VPS50: variants seen among roughly 807,000 people sequenced by gnomAD.
VPS50 encodes VPS50 subunit of EARP/GARPII complex.
VPS50 carries 70 observed loss-of-function variants against 139.7 expected under a neutral mutation model. That is an observed-to-expected ratio of 0.50 (90% CI 0.41 to 0.61). The LOEUF (loss-of-function observed/expected upper bound fraction) is 0.61, where lower values mean the gene tolerates loss of function less well. Among genes scored for constraint, VPS50 ranks in the 20% least tolerant of loss-of-function variants. The pLI, the probability that VPS50 is intolerant of heterozygous loss-of-function variation, is 0.00. For synonymous variants in VPS50, 365 were observed against 376.7 expected (o/e 0.97, Z 0.36); for missense variants, 921 against 1,133.7 (o/e 0.81, Z 2.69).
At chr7:93,313,937 G>A (rs1651378790) in intron 20 of VPS50, among the ~76,000 whole-genome samples, 1 of 152,132 alleles carries the variant, frequency 6.6e-6, no homozygotes, top group African/African-American at 2.4e-5. Flanking sequence ...CTGGGATTAG[G>A]TGCTGCCATT....
chr7:93,337,205 C>G (rs1229616581), intron 22 of VPS50, among the ~76,000 whole-genome samples: 1 of 152,158 alleles, frequency 6.6e-6, no homozygotes, highest in East Asian at 1.9e-4. Flanking sequence ...AGGCTTACAA[C>G]TGGGAACAAA....
intron 1 of VPS50, among the ~76,000 whole-genome samples, chr7:93,234,440 A>C (rs1794738269): frequency 6.6e-6 from 1 of 152,250 alleles, no homozygotes; most frequent in African/African-American, 2.4e-5. Context: ...AGCTGGAACC[A>C]TACTGTGTAC....
chr7:93,278,396 C>G (rs1328106109), intron 12 of VPS50, among the ~76,000 whole-genome samples: 1 of 151,176 alleles, frequency 6.6e-6, no homozygotes, highest in African/African-American at 2.4e-5. Context: ...CAAGACCAGC[C>G]TGGACAACAT....
Position 93,297,257 on chromosome 7 carries a change from T to TCA in VPS50, c.1361+14_1361+15insCA. Reference sequence around the variant, plus strand: ...GAATTACCATAGGTAAGAACTCTAATAAGATATGAATCGACTTATTTAGGT... The same window carrying TCA: ...GAATTACCATAGGTAAGAACTCTAATCAAAGATATGAATCGACTTATTTAGGT... On this transcript the variant is annotated intron_variant, in intron 16 of 27. Coordinates refer to ENST00000305866, the MANE Select transcript of VPS50 (RefSeq NM_017667.4). 6.5e-7 allele frequency: 1 copy of TCA among 1,528,074 alleles called. No individual in the cohort carries two copies. The highest frequency in any genetic ancestry group is 1.5e-5 in the African/African-American group (1 of 68,758). The allele number at this position is 1,528,074 out of a possible 1,614,324, so 94.7% of individuals were successfully genotyped here. A position where few individuals can be genotyped will look rare whatever the true frequency, so the allele number is the denominator to read the frequency against.
chr7:93,333,527 A>G (rs1296680025), intron 21 of VPS50, among the ~76,000 whole-genome samples: 2 of 152,306 alleles, frequency 1.3e-5, no homozygotes, highest in East Asian at 3.9e-4. Flanking sequence ...GGAGCTGACT[A>G]ACTGGCTTTT....
chr7:93,336,021 G>T (rs757196479), intron 22 of VPS50, among the ~76,000 whole-genome samples: 1 of 151,986 alleles, frequency 6.6e-6, no homozygotes, highest in Admixed American at 6.6e-5. Flanking sequence ...TTTTAAGCTG[G>T]TATGTATTAA....
chr7:93,346,400 C>T (rs983905039), intron 23 of VPS50, among the ~76,000 whole-genome samples: 2 of 152,094 alleles, frequency 1.3e-5, no homozygotes. Context: ...CCATACTGCC[C>T]AAGGTAATTT....
At chr7:93,290,571 A>G (rs1488582153) in intron 12 of VPS50, among the ~76,000 whole-genome samples, 2 of 151,830 alleles carry the variant, frequency 1.3e-5, no homozygotes, top group Non-Finnish European at 2.9e-5. Flanking sequence ...TTTGATCAGC[A>G]CCTATTGAGA....
At chr7:93,327,765 A>T (rs938725928) in intron 21 of VPS50, among the ~76,000 whole-genome samples, 1 of 152,196 alleles carries the variant, frequency 6.6e-6, no homozygotes, top group Non-Finnish European at 1.5e-5. Flanking sequence ...TTTCATACTC[A>T]TAAAAATAAA....
chr7:93,347,985 T>TA (rs765364604), intron 23 of VPS50, among the ~76,000 whole-genome samples: 169 of 150,210 alleles, frequency 1.1e-3, no homozygotes, highest in African/African-American at 3.8e-3. Flanking sequence ...TAATAATAAT[T>TA]AAAAAAAAGA....
At position 93,319,794 on chromosome 7, in the gene VPS50, CCT is replaced by C. The variant is rs1439764774; in HGVS notation, c.1856-3815_1856-3814del. Among the ~76,000 whole-genome samples, 4 of 152,080 alleles carry C rather than the reference CCT, an allele frequency of 2.6e-5. No individual in the cohort carries two copies. The East Asian group carries it at 7.7e-4, about 29-fold the overall frequency. On this transcript the variant is annotated intron_variant, in intron 20 of 27. Transcript: ENST00000305866. ...CTGTTCTCTCTTTTTAAAACAATTT[CCT>C]CCATTACTCAAATTGGTCCTTTATA...
rs1464839273 is a variant in VPS50, at chr7:93,296,866, A to G, written c.1262+30A>G. On this transcript the variant is annotated intron_variant, in intron 15 of 27. Coordinates refer to ENST00000305866, the MANE Select transcript of VPS50 (RefSeq NM_017667.4). ...TATTTAAGATCTTGTCTTATTCTTT[A>G]GTTTGAGTCATTCAACCATGATAAA... The G allele has an allele frequency of 1.9e-6, 3 of 1,562,106 alleles. No individual in the cohort carries two copies. In the East Asian group the frequency reaches 6.8e-5, roughly 35 times the overall value.
chr7:93,334,060 A>T, intron 21 of VPS50, 57 bp from the exon 22 acceptor site: 1 of 934,482 alleles, frequency 1.1e-6, no homozygotes, highest in South Asian at 1.4e-5. Context: ...TAATTTGAAG[A>T]TGTAACATTT....
intron 19 of VPS50, among the ~76,000 whole-genome samples, chr7:93,309,885 T>C (rs79991582): frequency 0.022 from 3,374 of 152,102 alleles, 143 homozygotes; most frequent in African/African-American, 0.077. Context: ...GATAAGTATA[T>C]TCTTATCGTT....
intron 22 of VPS50, among the ~76,000 whole-genome samples, chr7:93,338,165 G>T (rs569435347): frequency 6.6e-6 from 1 of 152,266 alleles, no homozygotes; most frequent in African/African-American, 2.4e-5. Flanking sequence ...GAAGCAGACA[G>T]AAAACGAGCT....
At position 93,308,957 on chromosome 7, in the gene VPS50, ATTGTGT is replaced by A; in HGVS notation, c.1748+16_1748+21del. 7.8e-7 allele frequency: 1 copy of A among 1,283,372 alleles called. No individual in the cohort carries two copies. The highest frequency in any genetic ancestry group is 1.1e-6 in the Non-Finnish European group (1 of 881,248). The allele number at this position is 1,283,372 out of a possible 1,614,324, so 79.5% of individuals were successfully genotyped here. The stretch of plus-strand genomic sequence containing the variant: ...CCTGTGAAAAGGTGATTGTTCTTAA[ATTGTGT>A]GGTATTTAGCATTTTATCTTGTGCT... On this transcript the variant is annotated intron_variant, in intron 19 of 27. Transcript: ENST00000305866.
chr7:93,322,117 CTG>C (rs1174433294), intron 20 of VPS50, among the ~76,000 whole-genome samples: 1 of 152,098 alleles, frequency 6.6e-6, no homozygotes, highest in Non-Finnish European at 1.5e-5. Flanking sequence ...GTAGTTTTTA[CTG>C]TGTTTTGATG....
intron 9 of VPS50, among the ~76,000 whole-genome samples, chr7:93,267,511 T>C (rs538318829): frequency 3.9e-5 from 6 of 152,310 alleles, no homozygotes; most frequent in Non-Finnish European, 7.4e-5. Context: ...TTACCTGCTC[T>C]GAGTTAGGTA....
chr7:93,321,717 C>CTTTT (rs1797619159), intron 20 of VPS50, among the ~76,000 whole-genome samples: 1 of 151,974 alleles, frequency 6.6e-6, no homozygotes, highest in Admixed American at 6.6e-5. Context: ...TTTTTATATC[C>CTTTT]TTTTTCAAGA....
Sources: gnomAD v4.1 joint callset for allele counts (sites outside exome capture counted in the v4.1 genomes callset) on GRCh38, gnomAD v4.1.1 for gene constraint, MANE v1.5 for transcripts, NCBI Gene and HGNC (gene_info 2026-07-23, HGNC 2026-07-21) for gene names.